The following COMMD1 variants were observed in gnomAD, a reference collection of about 807,000 sequenced individuals.
COMMD1 encodes the protein copper metabolism domain containing 1.
In COMMD1, 10 loss-of-function variants were observed where a neutral mutation model predicts 17.2. The observed-to-expected ratio is 0.58, with a 90% CI of 0.36 to 0.99. The LOEUF is 0.99. Among genes scored for constraint, COMMD1 ranks in the 50% least tolerant of loss-of-function variants. COMMD1 has a pLI of 0.01. For synonymous variants in COMMD1, 97 were observed against 91.6 expected (o/e 1.06, Z -0.34); for missense variants, 270 against 231.8 (o/e 1.17, Z -1.07).
chr2:62,100,667 A>G (rs549780496), intron 2 of COMMD1, among the ~76,000 whole-genome samples: 2 of 152,286 alleles, frequency 1.3e-5, no homozygotes, highest in Admixed American at 6.5e-5. Flanking sequence ...CAGAAAGGAA[A>G]TGTCCAGGTT....
intron 1 of COMMD1, among the ~76,000 whole-genome samples, chr2:61,941,124 T>G (rs1212985277): frequency 6.6e-6 from 1 of 151,460 alleles, no homozygotes; most frequent in African/African-American, 2.4e-5. Flanking sequence ...GACTCCCGGG[T>G]TCAAGCAATT....
At chr2:61,998,765 A>G (rs1668839983) in intron 1 of COMMD1, among the ~76,000 whole-genome samples, 1 of 152,198 alleles carries the variant, frequency 6.6e-6, no homozygotes, top group African/African-American at 2.4e-5. Context: ...TTGAATACTT[A>G]GAGGCCATCG....
chr2:62,031,201 C>T (rs932819117), intron 2 of COMMD1, among the ~76,000 whole-genome samples: 4 of 152,210 alleles, frequency 2.6e-5, no homozygotes, highest in Admixed American at 6.5e-5. Flanking sequence ...CTTAAGTCCT[C>T]ACATTAGTTA....
chr2:61,997,253 G>T (rs139575926), intron 1 of COMMD1, among the ~76,000 whole-genome samples: 54 of 151,828 alleles, frequency 3.6e-4, no homozygotes, highest in African/African-American at 1.3e-3. Context: ...GTAAAAACGT[G>T]GTCTTGCCAT....
chr2:62,000,666 A>G lies in COMMD1; in HGVS notation c.181-35A>G, dbSNP rs190755296. The stretch of plus-strand genomic sequence containing the variant: ...CTATCTTTTTCTAATTACCTATTTA[A>G]TTCAAATTTTTTGCTTTTTCTGTCA... On this transcript the variant is annotated intron_variant, in intron 1 of 2. Transcript: ENST00000311832. 3.4e-4 allele frequency: 540 copies of G among 1,605,638 alleles called. 3 individuals are homozygous for G. The African/African-American group carries it at 6.3e-3, about 19-fold the overall frequency.
At chr2:62,119,208 A>T (rs1028681305) in intron 2 of COMMD1, among the ~76,000 whole-genome samples, 4 of 152,180 alleles carry the variant, frequency 2.6e-5, no homozygotes, top group African/African-American at 9.7e-5. Context: ...AGCTGTCTAC[A>T]AGCCAAGGAG....
At chr2:62,073,444 C>G (rs540590936) in intron 2 of COMMD1, among the ~76,000 whole-genome samples, 3 of 152,378 alleles carry the variant, frequency 2.0e-5, no homozygotes, top group Admixed American at 6.5e-5. Flanking sequence ...CCAACCTCGT[C>G]TTTAGACAGT....
At chr2:62,025,162 A>G (rs1448383959) in intron 2 of COMMD1, among the ~76,000 whole-genome samples, 4 of 151,628 alleles carry the variant, frequency 2.6e-5, no homozygotes, top group Non-Finnish European at 2.9e-5. Flanking sequence ...GGAGGTTGCA[A>G]TGAGCCAAGA....
intron 1 of COMMD1, among the ~76,000 whole-genome samples, chr2:61,958,359 T>C (rs547145356): frequency 1.9e-4 from 29 of 151,796 alleles, no homozygotes; most frequent in Non-Finnish European, 3.5e-4. Context: ...CTCTGCCTCC[T>C]GGGTTCAAGC....
In COMMD1 at chr2:61,996,314, A is replaced by ATATGTGTG. The variant is rs1491191568; in HGVS notation, c.181-4386_181-4385insATGTGTGT. 1.7e-3 allele frequency among the ~76,000 whole-genome samples: 247 copies of ATATGTGTG among 142,400 alleles called. 1 individual carries two copies. The highest frequency in any genetic ancestry group is 3.9e-3 in the African/African-American group (146 of 37,480). 93.4% of individuals were successfully genotyped at this position (142,400 alleles called of 152,430 possible). The stretch of plus-strand genomic sequence containing the variant: ...TTGATGTCTTGTTTTTGTTTTCTAA[A>ATATGTGTG]TGTGTGTGTGTGTGTGTGTGTGTGT... On this transcript the variant is annotated intron_variant, in intron 1 of 2. Coordinates refer to ENST00000311832, the MANE Select transcript of COMMD1 (RefSeq NM_152516.4).
intron 2 of COMMD1, chr2:62,090,622 T>C (rs1299915342): frequency 2.0e-5 from 3 of 152,214 alleles, no homozygotes; most frequent in Non-Finnish European, 4.4e-5. Flanking sequence ...AAAAGGAAGT[T>C]TTGTTACAGG....
intron 1 of COMMD1, among the ~76,000 whole-genome samples, chr2:61,978,968 A>C (rs1172168522): frequency 6.6e-6 from 1 of 152,208 alleles, no homozygotes; most frequent in African/African-American, 2.4e-5. Context: ...AGAAACAATC[A>C]ATTACACTCT....
chr2:61,890,339 C>T (rs1471086929), intron 1 of COMMD1, among the ~76,000 whole-genome samples: 1 of 152,290 alleles, frequency 6.6e-6, no homozygotes, highest in African/African-American at 2.4e-5. Context: ...CCTGCCTCAG[C>T]CTCCCCAGTA....
intron 2 of COMMD1, among the ~76,000 whole-genome samples, chr2:62,089,606 G>T (rs984678075): frequency 2.0e-5 from 3 of 152,116 alleles, no homozygotes; most frequent in African/African-American, 7.2e-5. Flanking sequence ...TCAAGATATG[G>T]CAGGGAAACA....
chr2:62,028,040 T>C (rs13430068), intron 2 of COMMD1, among the ~76,000 whole-genome samples: 1 of 152,124 alleles, frequency 6.6e-6, no homozygotes, highest in East Asian at 1.9e-4. Flanking sequence ...TTCAGTGCAT[T>C]AAAGAAAACA....
chr2:61,986,695 A>G (rs1253135926), intron 1 of COMMD1, among the ~76,000 whole-genome samples: 2 of 151,148 alleles, frequency 1.3e-5, no homozygotes, highest in Non-Finnish European at 2.9e-5. Context: ...CAGCCTCCCA[A>G]ATAGCTGGGA....
At chr2:61,982,095 A>T (rs144099235) in intron 1 of COMMD1, among the ~76,000 whole-genome samples, 1 of 152,202 alleles carries the variant, frequency 6.6e-6, no homozygotes. Context: ...CATTTCAACA[A>T]TATTGATTCT....
chr2:61,907,279 G>C (rs1030341196), intron 1 of COMMD1, among the ~76,000 whole-genome samples: 3 of 152,110 alleles, frequency 2.0e-5, no homozygotes, highest in Admixed American at 6.6e-5. Context: ...GCTAATTTTT[G>C]TATTTTTAGT....
intron 2 of COMMD1, among the ~76,000 whole-genome samples, chr2:62,120,753 T>G (rs1672720445): frequency 6.6e-6 from 1 of 151,788 alleles, no homozygotes. Context: ...AGAGATGGAG[T>G]CTTGCCCTGT....
Sources: gnomAD v4.1 joint callset for allele counts (sites outside exome capture counted in the v4.1 genomes callset) on GRCh38, gnomAD v4.1.1 for gene constraint, MANE v1.5 for transcripts, NCBI Gene and HGNC (gene_info 2026-07-23, HGNC 2026-07-21) for gene names.